Variants in NKAIN3 observed in about 807,000 individuals in gnomAD.
NKAIN3 encodes sodium/potassium transporting ATPase interacting 3.
NKAIN3 carries 25 observed loss-of-function variants against 30.2 expected under a neutral mutation model. That is an observed-to-expected ratio of 0.83 (90% CI 0.60 to 1.16). The LOEUF (loss-of-function observed/expected upper bound fraction) is 1.16. Ranked by LOEUF, NKAIN3 falls within the 50% of genes most tolerant of loss-of-function variation. The pLI is 0.00. For synonymous variants in NKAIN3, 91 were observed against 89.6 expected (o/e 1.02, Z -0.09); for missense variants, 225 against 254.1 (o/e 0.89, Z 0.78).
At chr8:62,663,570 A>C (rs527340615) in intron 3 of NKAIN3, among the ~76,000 whole-genome samples, 9 of 152,292 alleles carry the variant, frequency 5.9e-5, no homozygotes, top group Admixed American at 1.3e-4. Flanking sequence ...ACTACATCTG[A>C]ATACCCACTT....
intron 3 of NKAIN3, among the ~76,000 whole-genome samples, chr8:62,646,921 A>G (rs1407319808): frequency 6.6e-6 from 1 of 152,198 alleles, no homozygotes; most frequent in Non-Finnish European, 1.5e-5. Flanking sequence ...ATCAATGAGT[A>G]AAAAGATGAC....
chr8:62,956,481 C>T (rs1211186340), intron 6 of NKAIN3, among the ~76,000 whole-genome samples: 1 of 152,090 alleles, frequency 6.6e-6, no homozygotes, highest in Non-Finnish European at 1.5e-5. Flanking sequence ...GTACAGGAAG[C>T]CTTAATTCTC....
intron 3 of NKAIN3, among the ~76,000 whole-genome samples, chr8:62,724,324 A>G (rs1298688735): frequency 6.6e-6 from 1 of 152,098 alleles, no homozygotes; most frequent in East Asian, 1.9e-4. Context: ...CATACAATGT[A>G]CAATACTTCA....
chr8:62,584,578 T>A (rs1396651784), intron 2 of NKAIN3, among the ~76,000 whole-genome samples: 1 of 152,184 alleles, frequency 6.6e-6, no homozygotes, highest in African/African-American at 2.4e-5. Flanking sequence ...CATTCCCCAT[T>A]TGCCTACCTT....
At chr8:62,750,221 C>T (rs1586159263) in intron 4 of NKAIN3, among the ~76,000 whole-genome samples, 1 of 151,758 alleles carries the variant, frequency 6.6e-6, no homozygotes, top group Non-Finnish European at 1.5e-5. Context: ...TCTAGAATAA[C>T]CTAGGGGAGG....
intron 4 of NKAIN3, among the ~76,000 whole-genome samples, chr8:62,905,145 A>C (rs75550393): frequency 0.028 from 4,296 of 152,252 alleles, 196 homozygotes; most frequent in African/African-American, 0.098. Flanking sequence ...AAAGAAAGTG[A>C]CATTTACAAC....
At chr8:62,457,876 T>C (rs1282118799) in intron 1 of NKAIN3, among the ~76,000 whole-genome samples, 2 of 152,170 alleles carry the variant, frequency 1.3e-5, no homozygotes, top group African/African-American at 4.8e-5. Context: ...GGGGAACTTA[T>C]TTAAGTCTTT....
At chr8:62,945,126 A>G (rs1014491299) in intron 5 of NKAIN3, among the ~76,000 whole-genome samples, 1 of 152,232 alleles carries the variant, frequency 6.6e-6, no homozygotes, top group Non-Finnish European at 1.5e-5. Context: ...TATAAAGTTT[A>G]ACTTGTAATG....
At chr8:62,377,363 TAAA>T (rs544798598) in intron 1 of NKAIN3, among the ~76,000 whole-genome samples, 240 of 152,322 alleles carry the variant, frequency 1.6e-3, no homozygotes, top group Non-Finnish European at 2.0e-3. Flanking sequence ...TTTAGGCTCT[TAAA>T]TAATTAAAGT....
intron 5 of NKAIN3, among the ~76,000 whole-genome samples, chr8:62,939,836 A>G (rs1347839927): frequency 6.6e-6 from 1 of 152,096 alleles, no homozygotes; most frequent in African/African-American, 2.4e-5. Context: ...CTATAAAACA[A>G]TAATACAATG....
intron 1 of NKAIN3, among the ~76,000 whole-genome samples, chr8:62,541,875 G>T (rs192500770): frequency 1.8e-4 from 27 of 151,884 alleles, no homozygotes; most frequent in African/African-American, 6.3e-4. Flanking sequence ...TTTCTTCTTT[G>T]TTGCTTTTTA....
At position 62,720,572 on chromosome 8, in the gene NKAIN3, T is replaced by C. The variant is rs2130516735; in HGVS notation, c.274-26360T>C. On this transcript the variant is annotated intron_variant, in intron 3 of 6. Coordinates refer to ENST00000623646, the MANE Select transcript of NKAIN3 (RefSeq NM_001304533.3). ...TTGAATGTTATAAAATTCTCTTTTC[T>C]CCTGTGCCCAGGCAGTCAGTCTTTC... 2.0e-5 allele frequency among the ~76,000 whole-genome samples: 3 copies of C among 152,362 alleles called. No individual in the cohort carries two copies. In the East Asian group the frequency reaches 5.8e-4, roughly 29 times the overall value.
At chr8:62,592,524 T>C (rs1340921423) in intron 3 of NKAIN3, among the ~76,000 whole-genome samples, 1 of 151,824 alleles carries the variant, frequency 6.6e-6, no homozygotes, top group African/African-American at 2.4e-5. Flanking sequence ...TAAATAAAAA[T>C]AATGCAAACA....
chr8:62,580,970 T>TG (rs1297683595), intron 2 of NKAIN3, among the ~76,000 whole-genome samples: 2 of 147,378 alleles, frequency 1.4e-5, no homozygotes, highest in Non-Finnish European at 3.0e-5. Flanking sequence ...AGCCAGACAT[T>TG]GGGGGGCCTG....
intron 3 of NKAIN3, among the ~76,000 whole-genome samples, chr8:62,709,482 G>A (rs186138904): frequency 2.7e-4 from 41 of 152,040 alleles, no homozygotes; most frequent in African/African-American, 6.5e-4. Flanking sequence ...TATCCATCTC[G>A]TCTACGTTTT....
intron 1 of NKAIN3, among the ~76,000 whole-genome samples, chr8:62,264,184 A>G (rs1392962768): frequency 6.6e-6 from 1 of 152,188 alleles, no homozygotes; most frequent in African/African-American, 2.4e-5. Context: ...GCTTAGCCTA[A>G]TGGTGGATTA....
intron 5 of NKAIN3, among the ~76,000 whole-genome samples, chr8:62,996,580 C>A (rs929410589): frequency 2.0e-5 from 3 of 152,142 alleles, no homozygotes; most frequent in Admixed American, 2.0e-4. Flanking sequence ...CACAAAAGTC[C>A]AAGTCCAAAG....
intron 1 of NKAIN3, among the ~76,000 whole-genome samples, chr8:62,503,752 T>C (rs1368778513): frequency 6.6e-6 from 1 of 152,128 alleles, no homozygotes; most frequent in Non-Finnish European, 1.5e-5. Context: ...AAGAAAAATA[T>C]GGCTTTTTTA....
At chr8:62,885,155 G>A (rs1399814455) in intron 4 of NKAIN3, among the ~76,000 whole-genome samples, 3 of 151,982 alleles carry the variant, frequency 2.0e-5, no homozygotes, top group African/African-American at 7.2e-5. Flanking sequence ...TGCTTTCTCT[G>A]CATATCACAA....
Sources: allele counts gnomAD v4.1 joint callset (sites outside exome capture counted in the v4.1 genomes callset), GRCh38; gene constraint gnomAD v4.1.1; transcripts MANE v1.5; gene names NCBI Gene and HGNC (gene_info 2026-07-23, HGNC 2026-07-21).